Variants in CEP76 observed in about 807,000 individuals in gnomAD.
The protein encoded by CEP76 is centrosomal protein 76.
In CEP76, 55 loss-of-function variants were observed where a neutral mutation model predicts 83.3. The ratio of observed to expected loss-of-function variants is 0.66; its 90% confidence interval spans 0.53 to 0.83. The LOEUF is 0.83. Ranked by LOEUF, CEP76 falls within the 40% of genes least tolerant of loss-of-function variation. The probability of loss-of-function intolerance (pLI) is 0.00; values close to 1 mark genes in which losing one functional copy is unlikely to be tolerated. For synonymous variants in CEP76, 270 were observed against 274.5 expected (o/e 0.98, Z 0.16); for missense variants, 694 against 799.5 (o/e 0.87, Z 1.59).
chr18:12,676,450 C>T (rs2039140058), intron 10 of CEP76, among the ~76,000 whole-genome samples: 1 of 146,032 alleles, frequency 6.8e-6, no homozygotes. Flanking sequence ...AATTTTTGTA[C>T]TTTTTGTAGA....
At chr18:12,669,050 TTTTTTTTTG>T (rs2038873275), downstream of CEP76, among the ~76,000 whole-genome samples, 1 of 115,834 alleles carries the variant, frequency 8.6e-6, no homozygotes, top group Admixed American at 9.9e-5. Context: ...TTTTTTTTTT[TTTTTTTTTG>T]AGACAGAGTT....
At chr18:12,702,430 G>A (rs908500662) in intron 1 of CEP76, 56 bp downstream of exon 1, 6 of 1,374,946 alleles carry the variant, frequency 4.4e-6, no homozygotes, top group Admixed American at 1.8e-5. Context: ...CCGCCGGGCA[G>A]GAGGGAAAGG....
chr18:12,685,346 C>G (rs1539813), intron 8 of CEP76: 22,736 of 152,104 alleles, frequency 0.15, 1,804 homozygotes, highest in Admixed American at 0.24. Context: ...AATTGCAACA[C>G]ATCAGTAGTA....
At chr18:12,669,182 A>G (rs2038877746), downstream of CEP76, among the ~76,000 whole-genome samples, 1 of 150,584 alleles carries the variant, frequency 6.6e-6, no homozygotes. Flanking sequence ...GTGTGATCTC[A>G]GCTCACGGCA....
At chr18:12,697,194 G>T (rs1467066139) in intron 5 of CEP76, 29 bp downstream of exon 5, 2 of 1,434,078 alleles carry the variant, frequency 1.4e-6, no homozygotes, top group Non-Finnish European at 1.9e-6. Context: ...GCTATAAAAA[G>T]GTTAACAATG....
chr18:12,673,512 GAAAA>G lies in CEP76; in HGVS notation c.1842-13_1842-10del. 1 of 1,502,972 alleles carries G rather than the reference GAAAA, an allele frequency of 6.7e-7. No individual in the cohort carries two copies. Among genetic ancestry groups the G allele is most frequent in the East Asian group, 2.5e-5 (1 of 40,106 alleles). The allele number at this position is 1,502,972 out of a possible 1,614,324, so 93.1% of individuals were successfully genotyped here. A position where few individuals can be genotyped will look rare whatever the true frequency, so the allele number is the denominator to read the frequency against. On this transcript the variant is annotated splice_polypyrimidine_tract_variant and intron_variant, in intron 11 of 11. Coordinates refer to ENST00000262127, the MANE Select transcript of CEP76 (RefSeq NM_024899.4). ...CTTCACAGAAAGGAGATCTATTTAAGAAAAAAAAAATTATTCAATTAAGAAGTGA... is the reference window on the plus strand; with the variant it reads ...CTTCACAGAAAGGAGATCTATTTAAGAAAAAATTATTCAATTAAGAAGTGA...
At chr18:12,671,131 A>C (rs35495829), downstream of CEP76, 2 of 149,808 alleles carry the variant, frequency 1.3e-5, no homozygotes, top group Non-Finnish European at 3.0e-5. Flanking sequence ...TTAGAGAAAT[A>C]GGGGGGGGTC....
At chr18:12,667,069 C>G (rs2038818889) in intron 12 of CEP76, among the ~76,000 whole-genome samples, 1 of 151,498 alleles carries the variant, frequency 6.6e-6, no homozygotes, top group Admixed American at 6.6e-5. Context: ...AACCCTAAAG[C>G]AAACACTAAA....
At chr18:12,696,679 G>A (rs147253385) in intron 5 of CEP76, among the ~76,000 whole-genome samples, 171 of 152,252 alleles carry the variant, frequency 1.1e-3, no homozygotes, top group Non-Finnish European at 2.2e-3. Context: ...AGCGGGCAGT[G>A]TGCAAGATTC....
chr18:12,694,860 GCCA>G (rs2039893367), intron 6 of CEP76, among the ~76,000 whole-genome samples: 1 of 151,474 alleles, frequency 6.6e-6, no homozygotes, highest in Non-Finnish European at 1.5e-5. Context: ...ACAGGTGCCT[GCCA>G]CCACGCCCGG....
In CEP76 at chr18:12,673,496, AAGG is replaced by A; in HGVS notation, c.1846_1848del (p.Pro616del). 1 of 1,576,900 alleles carries A rather than the reference AAGG, an allele frequency of 6.3e-7. No homozygotes were observed. Among genetic ancestry groups the A allele is most frequent in the African/African-American group, 1.4e-5 (1 of 71,932 alleles). Reference sequence around the variant, plus strand: ...CGGCAACAGATTATTTCTTCACAGAAAGGAGATCTATTTAAGAAAAAAAAAATT... The same window carrying A: ...CGGCAACAGATTATTTCTTCACAGAAAGATCTATTTAAGAAAAAAAAAATT... On this transcript the variant is annotated inframe_deletion, in exon 12 of 12. Transcript: ENST00000262127.
At chr18:12,665,854 A>G (rs1452226003) in intron 12 of CEP76, among the ~76,000 whole-genome samples, 1 of 151,906 alleles carries the variant, frequency 6.6e-6, no homozygotes, top group African/African-American at 2.4e-5. Context: ...ACGCCACCAC[A>G]CCCAGCTAAT....
chr18:12,683,238 G>A (rs1263315736), intron 8 of CEP76, among the ~76,000 whole-genome samples: 1 of 147,952 alleles, frequency 6.8e-6, no homozygotes, highest in Non-Finnish European at 1.5e-5. Flanking sequence ...TGTAGTCCCA[G>A]CTACTCAGGA....
At chr18:12,679,535 C>T (rs762237612) in intron 9 of CEP76, among the ~76,000 whole-genome samples, 3 of 152,068 alleles carry the variant, frequency 2.0e-5, no homozygotes, top group African/African-American at 4.8e-5. Context: ...AAATTGCCTG[C>T]GAGCCTAATT....
At chr18:12,662,929 A>G (rs563543899) in intron 12 of CEP76, among the ~76,000 whole-genome samples, 1 of 152,330 alleles carries the variant, frequency 6.6e-6, no homozygotes, top group South Asian at 2.1e-4. Context: ...CTCCTTTAAG[A>G]TAATTATTTT....
At chr18:12,667,760 C>CAAAAAA (rs67167827), downstream of CEP76, among the ~76,000 whole-genome samples, 3 of 89,922 alleles carry the variant, frequency 3.3e-5, no homozygotes, top group Non-Finnish European at 6.3e-5. Context: ...GACTCTTTCT[C>CAAAAAA]AAAAAAAAAA....
intron 7 of CEP76, among the ~76,000 whole-genome samples, chr18:12,690,143 G>A (rs908357559): frequency 6.6e-6 from 1 of 152,078 alleles, no homozygotes; most frequent in African/African-American, 2.4e-5. Context: ...TGATAATGTT[G>A]TTACCTTGCC....
intron 8 of CEP76, chr18:12,684,654 T>C (rs1045801255): frequency 3.9e-5 from 6 of 151,938 alleles, no homozygotes; most frequent in African/African-American, 1.5e-4. Context: ...CTAATTTTTG[T>C]ATTTTTTCAG....
chr18:12,673,742 G>A (rs991358894), intron 11 of CEP76, among the ~76,000 whole-genome samples: 7 of 152,194 alleles, frequency 4.6e-5, no homozygotes, highest in African/African-American at 1.7e-4. Context: ...TTAGCCGCGT[G>A]TGGTGGCGGG....
Sources: gnomAD v4.1 joint callset for allele counts (sites outside exome capture counted in the v4.1 genomes callset) on GRCh38, gnomAD v4.1.1 for gene constraint, MANE v1.5 for transcripts, NCBI Gene and HGNC (gene_info 2026-07-23, HGNC 2026-07-21) for gene names.